ST6GALNAC3: variants seen among roughly 807,000 people sequenced by gnomAD.
ST6GALNAC3 encodes the protein alpha-N-acetylgalactosaminide alpha-2,6-sialyltransferase 3.
ST6GALNAC3 carries 25 observed loss-of-function variants against 32.7 expected under a neutral mutation model. The observed-to-expected ratio is 0.76, with a 90% CI of 0.56 to 1.07. The LOEUF is 1.07. Ranked by LOEUF, ST6GALNAC3 falls within the 50% of genes least tolerant of loss-of-function variation. The probability of loss-of-function intolerance (pLI) is 0.00; values close to 1 mark genes in which losing one functional copy is unlikely to be tolerated. For missense variants in ST6GALNAC3, 355 were observed against 382.4 expected, an observed-to-expected ratio of 0.93 and a Z score of 0.60; for synonymous variants, 129 against 133.1, an observed-to-expected ratio of 0.97 and a Z score of 0.21.
intron 3 of ST6GALNAC3, among the ~76,000 whole-genome samples, chr1:76,584,346 A>G (rs1474631951): frequency 6.6e-6 from 1 of 152,188 alleles, no homozygotes; most frequent in African/African-American, 2.4e-5. Flanking sequence ...TAAACGCTGA[A>G]TGAATGAATA....
chr1:76,489,923 G>A (rs1660383993), intron 3 of ST6GALNAC3, among the ~76,000 whole-genome samples: 2 of 152,134 alleles, frequency 1.3e-5, no homozygotes, highest in South Asian at 2.1e-4. Context: ...GCCATTTCTG[G>A]TGATTCTTCC....
chr1:76,504,350 G>A (rs1021439171), intron 3 of ST6GALNAC3, among the ~76,000 whole-genome samples: 6 of 151,980 alleles, frequency 3.9e-5, no homozygotes, highest in African/African-American at 1.2e-4. Flanking sequence ...CTAATCCAGG[G>A]TTATATCATC....
At chr1:76,183,208 A>T (rs1653302734) in intron 1 of ST6GALNAC3, among the ~76,000 whole-genome samples, 1 of 152,058 alleles carries the variant, frequency 6.6e-6, no homozygotes, top group Non-Finnish European at 1.5e-5. Context: ...TTGTAGATTG[A>T]CTCATCTAGA....
chr1:76,325,264 T>C (rs1647046416), intron 2 of ST6GALNAC3, among the ~76,000 whole-genome samples: 1 of 152,218 alleles, frequency 6.6e-6, no homozygotes, highest in Admixed American at 6.5e-5. Context: ...TTTAATATTC[T>C]GTATTTAATA....
chr1:76,135,569 T>C (rs289699), intron 1 of ST6GALNAC3, among the ~76,000 whole-genome samples: 8,187 of 152,282 alleles, frequency 0.054, 235 homozygotes, highest in South Asian at 0.077. Flanking sequence ...TCAAAATTCA[T>C]TGGACATGGG....
At chr1:76,145,922 T>G (rs1402932425) in intron 1 of ST6GALNAC3, among the ~76,000 whole-genome samples, 1 of 152,230 alleles carries the variant, frequency 6.6e-6, no homozygotes, top group Non-Finnish European at 1.5e-5. Context: ...TGCTCTCTGA[T>G]TAGCAGGTAA....
intron 2 of ST6GALNAC3, among the ~76,000 whole-genome samples, chr1:76,345,086 T>C (rs188336238): frequency 4.0e-4 from 61 of 152,280 alleles, no homozygotes; most frequent in South Asian, 3.5e-3. Flanking sequence ...ATCCCCTAGC[T>C]GATTGCCTCT....
At chr1:76,189,957 G>A (rs1196864353) in intron 1 of ST6GALNAC3, among the ~76,000 whole-genome samples, 2 of 152,188 alleles carry the variant, frequency 1.3e-5, no homozygotes, top group Non-Finnish European at 2.9e-5. Flanking sequence ...GATCACAGTG[G>A]ACTGAATTCT....
At chr1:76,500,882 T>A (rs923463875) in intron 3 of ST6GALNAC3, among the ~76,000 whole-genome samples, 1 of 152,128 alleles carries the variant, frequency 6.6e-6, no homozygotes, top group South Asian at 2.1e-4. Flanking sequence ...AAAGGACAGA[T>A]TGTAGAATAG....
chr1:76,564,994 A>C (rs1402806981), intron 3 of ST6GALNAC3, among the ~76,000 whole-genome samples: 2 of 152,216 alleles, frequency 1.3e-5, no homozygotes, highest in Admixed American at 6.5e-5. Context: ...GCTCCCCTGC[A>C]AGAAAATTCT....
At chr1:76,202,737 G>A (rs1211674151) in intron 1 of ST6GALNAC3, among the ~76,000 whole-genome samples, 1 of 152,170 alleles carries the variant, frequency 6.6e-6, no homozygotes, top group Non-Finnish European at 1.5e-5. Flanking sequence ...TCTGCCCAGA[G>A]TCTTAAAAAA....
At chr1:76,118,776 C>CT (rs1410053307) in intron 1 of ST6GALNAC3, among the ~76,000 whole-genome samples, 1 of 152,104 alleles carries the variant, frequency 6.6e-6, no homozygotes, top group African/African-American at 2.4e-5. Flanking sequence ...GTGCACATTC[C>CT]TTTTTTATGT....
intron 1 of ST6GALNAC3, among the ~76,000 whole-genome samples, chr1:76,107,769 A>T (rs80218890): frequency 1.3e-5 from 2 of 152,116 alleles, no homozygotes; most frequent in Non-Finnish European, 2.9e-5. Flanking sequence ...TGTGGAGAAG[A>T]ATGGAAGCTT....
intron 1 of ST6GALNAC3, among the ~76,000 whole-genome samples, chr1:76,297,264 C>G (rs1181205234): frequency 6.6e-6 from 1 of 152,008 alleles, no homozygotes; most frequent in Non-Finnish European, 1.5e-5. Context: ...TTAAAAGTAT[C>G]TCAATATCCA....
intron 3 of ST6GALNAC3, among the ~76,000 whole-genome samples, chr1:76,571,386 A>T (rs1367071652): frequency 6.6e-6 from 1 of 152,018 alleles, no homozygotes; most frequent in Admixed American, 6.6e-5. Flanking sequence ...TACTTTTTTT[A>T]AAAAGGCAAC....
intron 2 of ST6GALNAC3, among the ~76,000 whole-genome samples, chr1:76,330,433 G>A (rs1647168635): frequency 6.6e-6 from 1 of 152,226 alleles, no homozygotes; most frequent in Non-Finnish European, 1.5e-5. Flanking sequence ...TGGGATTACA[G>A]GCGTGAGCCC....
At chr1:76,524,912 T>C (rs1400963884) in intron 3 of ST6GALNAC3, among the ~76,000 whole-genome samples, 1 of 151,990 alleles carries the variant, frequency 6.6e-6, no homozygotes, top group Non-Finnish European at 1.5e-5. Context: ...TATATTTTGG[T>C]TATCTCCTAA....
At chr1:76,110,301 C>T (rs1393518791) in intron 1 of ST6GALNAC3, among the ~76,000 whole-genome samples, 1 of 152,226 alleles carries the variant, frequency 6.6e-6, no homozygotes, top group East Asian at 1.9e-4. Context: ...TATTGATACT[C>T]CTGGGGCATT....
chr1:76,387,866 A>G (rs1051258591), intron 2 of ST6GALNAC3, among the ~76,000 whole-genome samples: 3 of 152,042 alleles, frequency 2.0e-5, no homozygotes, highest in Non-Finnish European at 4.4e-5. Context: ...TAGGCTATTC[A>G]GCTAGGCCAG....
Sources: allele counts gnomAD v4.1 joint callset (sites outside exome capture counted in the v4.1 genomes callset), GRCh38; gene constraint gnomAD v4.1.1; transcripts MANE v1.5; gene names NCBI Gene and HGNC (gene_info 2026-07-23, HGNC 2026-07-21).